The following VWDE variants were observed in gnomAD, a reference collection of about 807,000 sequenced individuals.
VWDE encodes the protein von Willebrand factor D and EGF domain-containing protein.
In VWDE, 207 loss-of-function variants were observed where a neutral mutation model predicts 178.4. The observed-to-expected ratio is 1.16, with a 90% confidence interval of 1.04 to 1.30. The LOEUF (loss-of-function observed/expected upper bound fraction) is 1.30. Ranked by LOEUF, VWDE falls within the 50% of genes most tolerant of loss-of-function variation. The pLI is 0.00. For missense variants in VWDE, 2,287 were observed against 1,901.3 expected, an observed-to-expected ratio of 1.20 and a Z score of -3.77; for synonymous variants, 738 against 651.4, an observed-to-expected ratio of 1.13 and a Z score of -2.02.
At chr7:12,342,229 T>C in intron 22 of VWDE, 75 bp from the exon 23 acceptor site, 4 of 1,093,096 alleles carry the variant, frequency 3.7e-6, no homozygotes, top group Non-Finnish European at 2.7e-6. Context: ...TCTAGCTAGC[T>C]CATAACTGCT....
At chr7:12,396,912 G>C (rs900775442) in intron 1 of VWDE, among the ~76,000 whole-genome samples, 1 of 152,086 alleles carries the variant, frequency 6.6e-6, no homozygotes, top group Non-Finnish European at 1.5e-5. Context: ...TCCAGCCTGG[G>C]CAACAAGAGT....
intron 25 of VWDE, 29 bp from the exon 26 acceptor site, chr7:12,337,112 C>A (rs1375536076): frequency 1.3e-6 from 2 of 1,551,282 alleles, no homozygotes; most frequent in Non-Finnish European, 1.7e-6. Flanking sequence ...AAAGTCAGCC[C>A]TTAAATTCAA....
chr7:12,353,946 G>T (rs1782080697), intron 18 of VWDE: 1 of 153,640 alleles, frequency 6.5e-6, no homozygotes, highest in Non-Finnish European at 1.4e-5. Context: ...TCCTGCTGTT[G>T]GTTTTGCCTG....
intron 1 of VWDE, among the ~76,000 whole-genome samples, chr7:12,400,384 G>A (rs1784842050): frequency 6.6e-6 from 1 of 151,978 alleles, no homozygotes; most frequent in African/African-American, 2.4e-5. Flanking sequence ...AATGAAATAG[G>A]GGACACTACT....
intron 4 of VWDE, 68 bp from the exon 5 acceptor site, chr7:12,380,801 A>G: frequency 6.6e-7 from 1 of 1,504,552 alleles, no homozygotes; most frequent in Non-Finnish European, 8.9e-7. Context: ...TGGAAAAAGC[A>G]CTCAAAGACT....
chr7:12,377,109 AG>A, intron 7 of VWDE, among the ~76,000 whole-genome samples: 1 of 152,236 alleles, frequency 6.6e-6, no homozygotes, highest in African/African-American at 2.4e-5. Flanking sequence ...TCTCTACATC[AG>A]GGGCTCAGTG....
At position 12,403,846 on chromosome 7, in the gene VWDE, A is replaced by G; in HGVS notation, c.-130T>C. 1 of 974,450 alleles carries G rather than the reference A, an allele frequency of 1.0e-6. No individual in the cohort carries two copies. Among genetic ancestry groups the G allele is most frequent in the Non-Finnish European group, 1.5e-6 (1 of 653,888 alleles). The allele number at this position is 974,450 out of a possible 1,614,324, so 60.4% of individuals were successfully genotyped here. ...CAGTCTGTTGCTGCTTGGAACAGGGAAGCTCCGCGTCCTCGTTCTGGGGTG... is the reference window on the plus strand; with the variant it reads ...CAGTCTGTTGCTGCTTGGAACAGGGGAGCTCCGCGTCCTCGTTCTGGGGTG... On this transcript the variant is annotated 5_prime_UTR_variant, in exon 1 of 29. Coordinates refer to ENST00000275358, the MANE Select transcript of VWDE (RefSeq NM_001135924.3).
At chr7:12,377,189 G>A (rs763159704) in intron 7 of VWDE, among the ~76,000 whole-genome samples, 21 of 152,248 alleles carry the variant, frequency 1.4e-4, no homozygotes, top group Middle Eastern at 3.4e-3. Flanking sequence ...ATCTTGTTAT[G>A]TGGGAGGATT....
rs145226008 is a variant in VWDE, at chr7:12,398,962, A to T, written c.58+4697T>A. On this transcript the variant is annotated intron_variant, in intron 1 of 28. Coordinates refer to ENST00000275358, the MANE Select transcript of VWDE (RefSeq NM_001135924.3). ...GGGTACTATACTCACTATCTGGGTG[A>T]CAATATCATCCATACCTCAAACCTC... Among the ~76,000 whole-genome samples the T allele has an allele frequency of 7.8e-3, 1,190 of 152,242 alleles. 22 individuals carry two copies. The highest frequency in any genetic ancestry group is 0.027 in the African/African-American group (1,129 of 41,550).
chr7:12,369,786 C>T lies in VWDE; in HGVS notation c.2520G>A (p.Lys840=), dbSNP rs1583315755. 2 of 1,551,530 alleles carry T rather than the reference C, an allele frequency of 1.3e-6. No homozygotes were observed. Reference sequence around the variant, plus strand: ...TAAGATCATCTTTTAACAGAACATCCTTCACACACATCTCTATAACACTGT... The same window carrying T: ...TAAGATCATCTTTTAACAGAACATCTTTCACACACATCTCTATAACACTGT... ...RLDSVIEMCV[K]DVLLKDDLSW... is the part of the protein sequence containing the mutation. Residue 840 remains lysine (K), a synonymous_variant, in exon 12 of 29, where the codon AAG becomes AAA. Transcript: ENST00000275358.
rs113602532 is a variant in VWDE, at chr7:12,343,229, A to G, written c.4079-51T>C. The G allele has an allele frequency of 3.1e-4, 421 of 1,343,838 alleles. 2 individuals are homozygous for G. The African/African-American group carries it at 5.6e-3, about 18-fold the overall frequency. 83.2% of individuals were successfully genotyped at this position (1,343,838 alleles called of 1,614,324 possible). On this transcript the variant is annotated intron_variant, in intron 21 of 28. Transcript: ENST00000275358. Reference sequence around the variant, plus strand: ...GTCAGTTCTTAATTTTTAAAAAGTCAGTTTATATTTATAAAGCACTGTCAC... The same window carrying G: ...GTCAGTTCTTAATTTTTAAAAAGTCGGTTTATATTTATAAAGCACTGTCAC...
intron 13 of VWDE, among the ~76,000 whole-genome samples, chr7:12,364,711 A>G (rs79533640): frequency 0.034 from 5,146 of 152,248 alleles, 298 homozygotes; most frequent in African/African-American, 0.12. Context: ...ACTGGTAAAT[A>G]CCATAGTCAT....
chr7:12,356,059 T>C lies in VWDE; in HGVS notation c.3745+52A>G, dbSNP rs546395167. 185 of 1,414,308 alleles carry C rather than the reference T, an allele frequency of 1.3e-4. 4 individuals are homozygous for C. In the African/African-American group the frequency reaches 1.9e-3, roughly 15 times the overall value. 87.6% of individuals were successfully genotyped at this position (1,414,308 alleles called of 1,614,324 possible). On this transcript the variant is annotated intron_variant, in intron 18 of 28. Coordinates refer to ENST00000275358, the MANE Select transcript of VWDE (RefSeq NM_001135924.3). ...CATTTGCTTAAGTAATCTGTAGATA[T>C]GTGTTTCAAGGAGCTTTTCTTTCTA...
chr7:12,353,414 A>C (rs986400279), intron 18 of VWDE, among the ~76,000 whole-genome samples: 1 of 32,564 alleles, frequency 3.1e-5, no homozygotes, highest in Admixed American at 4.4e-4. Flanking sequence ...TTCAACATAT[A>C]AATTTTGGGG....
At chr7:12,358,090 T>C (rs1782361999) in intron 16 of VWDE, among the ~76,000 whole-genome samples, 1 of 152,084 alleles carries the variant, frequency 6.6e-6, no homozygotes, top group Admixed American at 6.5e-5. Context: ...AAAGAGGCTA[T>C]TTCAGGATGG....
intron 7 of VWDE, 154 bp downstream of exon 7, chr7:12,377,622 T>C (rs1783605227): frequency 2.4e-6 from 1 of 422,154 alleles, no homozygotes. Flanking sequence ...ATCGTCAGTT[T>C]GGCCGAGTAT....
intron 12 of VWDE, among the ~76,000 whole-genome samples, chr7:12,368,326 A>T (rs1404847354): frequency 6.6e-6 from 1 of 151,776 alleles, no homozygotes; most frequent in East Asian, 1.9e-4. Context: ...ATTAAGAGAG[A>T]TTAAGACCAT....
chr7:12,393,382 C>T (rs896621619), intron 2 of VWDE, among the ~76,000 whole-genome samples: 2 of 152,036 alleles, frequency 1.3e-5, no homozygotes, highest in Admixed American at 1.3e-4. Context: ...AAGATATTGT[C>T]GGTGAAAGTG....
intron 7 of VWDE, among the ~76,000 whole-genome samples, chr7:12,375,929 C>T (rs1178525384): frequency 6.6e-6 from 1 of 151,904 alleles, no homozygotes; most frequent in Non-Finnish European, 1.5e-5. Context: ...CAGATTTGCC[C>T]CCAAAATTGG....
Sources: gnomAD v4.1 joint callset for allele counts (sites outside exome capture counted in the v4.1 genomes callset) on GRCh38, gnomAD v4.1.1 for gene constraint, MANE v1.5 for transcripts, NCBI Gene and HGNC (gene_info 2026-07-23, HGNC 2026-07-21) for gene names.